KIAA0825: variants seen among roughly 807,000 people sequenced by gnomAD.
KIAA0825 encodes the protein uncharacterized protein KIAA0825.
In KIAA0825, 119 loss-of-function variants were observed where a neutral mutation model predicts 147.6. The ratio of observed to expected loss-of-function variants is 0.81; its 90% CI spans 0.69 to 0.94. The LOEUF (loss-of-function observed/expected upper bound fraction) is 0.94, where lower values mean the gene tolerates loss of function less well. KIAA0825 is among the 40% of genes least tolerant of loss of function. The pLI, the probability that KIAA0825 is intolerant of heterozygous loss-of-function variation, is 0.00. For synonymous variants in KIAA0825, 470 were observed against 518.1 expected, an observed-to-expected ratio of 0.91 and a Z score of 1.26; for missense variants, 1,381 against 1,472.7, an observed-to-expected ratio of 0.94 and a Z score of 1.02.
chr5:94,394,811 G>A (rs1468429686), intron 17 of KIAA0825, among the ~76,000 whole-genome samples: 3 of 152,048 alleles, frequency 2.0e-5, no homozygotes, highest in Non-Finnish European at 4.4e-5. Context: ...AGATTAAGAC[G>A]GTCACTGCCA....
chr5:94,263,649 G>C (rs919336719), intron 20 of KIAA0825, among the ~76,000 whole-genome samples: 2 of 150,582 alleles, frequency 1.3e-5, no homozygotes, highest in African/African-American at 4.9e-5. Context: ...TTTCTTCAAT[G>C]TCTCTCTCTC....
chr5:94,421,449 A>G (rs1193295522), intron 14 of KIAA0825, among the ~76,000 whole-genome samples: 5 of 152,170 alleles, frequency 3.3e-5, no homozygotes, highest in Non-Finnish European at 7.3e-5. Flanking sequence ...TTTTATGCTC[A>G]TTGCTGTGTT....
chr5:94,223,287 T>G (rs1773830049), intron 20 of KIAA0825, among the ~76,000 whole-genome samples: 1 of 152,164 alleles, frequency 6.6e-6, no homozygotes, highest in South Asian at 2.1e-4. Context: ...CTTATCCAAG[T>G]TGCATAGTTA....
intron 20 of KIAA0825, among the ~76,000 whole-genome samples, chr5:94,173,628 A>C (rs981335156): frequency 6.6e-6 from 1 of 152,012 alleles, no homozygotes; most frequent in African/African-American, 2.4e-5. Flanking sequence ...ATATAGTACC[A>C]CTTCTATAGT....
intron 2 of KIAA0825, among the ~76,000 whole-genome samples, chr5:94,543,876 A>G (rs1773829852): frequency 6.6e-6 from 1 of 152,218 alleles, no homozygotes; most frequent in Admixed American, 6.5e-5. Flanking sequence ...ATGCCACAGC[A>G]ACATTAGAAG....
chr5:94,464,108 TTCC>T (rs1164919109), intron 11 of KIAA0825, among the ~76,000 whole-genome samples: 1 of 149,876 alleles, frequency 6.7e-6, no homozygotes, highest in Non-Finnish European at 1.5e-5. Flanking sequence ...TGTCTGTAGG[TTCC>T]TCCTAAAATA....
intron 20 of KIAA0825, among the ~76,000 whole-genome samples, chr5:94,174,986 G>C (rs532904379): frequency 1.1e-4 from 16 of 152,072 alleles, no homozygotes; most frequent in Non-Finnish European, 2.2e-4. Context: ...TATTTATCTT[G>C]ATAGGCAGTG....
At chr5:94,227,311 A>C (rs918902204) in intron 20 of KIAA0825, among the ~76,000 whole-genome samples, 2 of 150,852 alleles carry the variant, frequency 1.3e-5, no homozygotes, top group African/African-American at 4.9e-5. Context: ...AAAACCAAAC[A>C]CCGCATATTC....
chr5:94,605,977 GT>G (rs1229587162), intron 1 of KIAA0825, among the ~76,000 whole-genome samples: 3 of 152,212 alleles, frequency 2.0e-5, no homozygotes, highest in Non-Finnish European at 4.4e-5. Flanking sequence ...CAAACTATCT[GT>G]TTGCGGATGA....
rs1472647055 is a variant in KIAA0825, at chr5:94,396,443, C to T, written c.2954G>A (p.Cys985Tyr). Residue 985 changes from cysteine to tyrosine, a missense_variant, in exon 17 of 21, where the codon TGT becomes TAT. Cys to Tyr is a radical substitution (Grantham distance 194). Transcript: ENST00000682413. ...GAAGTATTTAACTGGGGGAGGCAAACATGCAATCACCGTAGGTAACTTGCT... is the reference window on the plus strand; with the variant it reads ...GAAGTATTTAACTGGGGGAGGCAAATATGCAATCACCGTAGGTAACTTGCT... ...VISKLPTVIA[C>Y]LPPPVKYFFF... 3 of 1,543,632 alleles carry T rather than the reference C, an allele frequency of 1.9e-6. No homozygotes were observed. The highest frequency in any genetic ancestry group is 4.0e-5 in the Admixed American group (2 of 50,108).
intron 13 of KIAA0825, among the ~76,000 whole-genome samples, chr5:94,450,936 A>G (rs1435634415): frequency 6.6e-6 from 1 of 152,226 alleles, no homozygotes; most frequent in Admixed American, 6.5e-5. Flanking sequence ...GCTTTAGAAT[A>G]GAACAGGCCT....
At chr5:94,439,950 T>A (rs1366710899) in intron 14 of KIAA0825, 32 bp downstream of exon 14, 7 of 1,528,622 alleles carry the variant, frequency 4.6e-6, no homozygotes, top group Non-Finnish European at 6.2e-6. Flanking sequence ...ACTAGGTTTT[T>A]CGAGGACATT....
chr5:94,471,279 T>C (rs1197599109), intron 9 of KIAA0825, among the ~76,000 whole-genome samples, 187 bp downstream of exon 9: 1 of 152,144 alleles, frequency 6.6e-6, no homozygotes, highest in Non-Finnish European at 1.5e-5. Flanking sequence ...TATCTATGTA[T>C]CTAGTTTAAT....
At chr5:94,611,977 A>C (rs1207295797) in intron 1 of KIAA0825, 1 of 152,130 alleles carries the variant, frequency 6.6e-6, no homozygotes, top group Middle Eastern at 3.1e-3. Context: ...AAAGATTTAC[A>C]CTATATTTAT....
chr5:94,499,998 T>C (rs1451147698), intron 5 of KIAA0825, among the ~76,000 whole-genome samples: 1 of 151,962 alleles, frequency 6.6e-6, no homozygotes, highest in Non-Finnish European at 1.5e-5. Context: ...TCATAAAGGA[T>C]CAAAAGGAAT....
intron 20 of KIAA0825, among the ~76,000 whole-genome samples, chr5:94,309,417 G>A (rs1562366671): frequency 6.6e-6 from 1 of 151,632 alleles, no homozygotes; most frequent in East Asian, 1.9e-4. Context: ...AAAAGAGACA[G>A]AACTTGCTGC....
rs545368619 is a variant in KIAA0825, at chr5:94,435,226, A to C, written c.2497+4756T>G. Reference sequence around the variant, plus strand: ...GGGGGTTTGTTGTACAGATTACTTCATCACCCAGGTATTAAGCCTAGTATC... The same window carrying C: ...GGGGGTTTGTTGTACAGATTACTTCCTCACCCAGGTATTAAGCCTAGTATC... On this transcript the variant is annotated intron_variant, in intron 14 of 20. Coordinates refer to ENST00000682413, the MANE Select transcript of KIAA0825 (RefSeq NM_001145678.3). Among the ~76,000 whole-genome samples, 8 of 151,554 alleles carry C rather than the reference A, an allele frequency of 5.3e-5. No individual in the cohort carries two copies. The South Asian group carries it at 8.3e-4, about 16-fold the overall frequency.
At chr5:94,207,035 A>G (rs548236841) in intron 20 of KIAA0825, among the ~76,000 whole-genome samples, 6 of 152,278 alleles carry the variant, frequency 3.9e-5, no homozygotes, top group African/African-American at 9.6e-5. Context: ...ATGTTGTTAT[A>G]TAAGGAATTA....
intron 20 of KIAA0825, among the ~76,000 whole-genome samples, chr5:94,230,030 T>C (rs1774548582): frequency 6.6e-6 from 1 of 152,216 alleles, no homozygotes; most frequent in Non-Finnish European, 1.5e-5. Flanking sequence ...TCCAAATCCC[T>C]AAAGAACTCT....
Sources: allele counts gnomAD v4.1 joint callset (sites outside exome capture counted in the v4.1 genomes callset), GRCh38; gene constraint gnomAD v4.1.1; transcripts MANE v1.5; gene names NCBI Gene and HGNC (gene_info 2026-07-23, HGNC 2026-07-21).